The following RAB43 variants were observed in gnomAD, a reference collection of about 807,000 sequenced individuals.
RAB43 encodes RAB43, member RAS oncogene family, also known as ras-related protein Rab-43.
RAB43 carries 6 observed loss-of-function variants against 18.8 expected under a neutral mutation model. That is an observed-to-expected ratio of 0.32 (90% CI 0.17 to 0.63). The LOEUF (loss-of-function observed/expected upper bound fraction) is 0.63, where lower values mean the gene tolerates loss of function less well. Among genes scored for constraint, RAB43 ranks in the 30% least tolerant of loss-of-function variants. RAB43 has a pLI of 0.79. For synonymous variants in RAB43, 103 were observed against 124.1 expected, an observed-to-expected ratio of 0.83 and a Z score of 1.13; for missense variants, 195 against 289.1, an observed-to-expected ratio of 0.67 and a Z score of 2.36.
At chr3:129,116,590 C>T (rs894196128) in intron 1 of RAB43, among the ~76,000 whole-genome samples, 1 of 152,132 alleles carries the variant, frequency 6.6e-6, no homozygotes, top group Non-Finnish European at 1.5e-5. Flanking sequence ...TTTGAAGTGC[C>T]AGGAGCAGCT....
At chr3:129,093,516 A>G (rs527762958) in intron 2 of RAB43, among the ~76,000 whole-genome samples, 4 of 152,206 alleles carry the variant, frequency 2.6e-5, no homozygotes, top group Non-Finnish European at 5.9e-5. Context: ...AGGCTGAGGC[A>G]GGAGAATTGC....
chr3:129,091,329 T>G lies in RAB43; in HGVS notation c.406A>C (p.Ser136Arg). The G allele has an allele frequency of 6.2e-7, 1 of 1,606,374 alleles. No homozygotes were observed. Among genetic ancestry groups the G allele is most frequent in the Non-Finnish European group, 8.5e-7 (1 of 1,176,412 alleles). Residue 136 changes from serine to arginine, a missense_variant, in exon 3 of 3, where the codon AGC (serine) becomes CGC (arginine). Transcript: ENST00000315150. ...GCCAAGGAGACCTCCCGAAGCTCGCTGAGGTCTGACTTGTTCCCTGCGGAG... is the reference window on the plus strand; with the variant it reads ...GCCAAGGAGACCTCCCGAAGCTCGCGGAGGTCTGACTTGTTCCCTGCGGAG... ...QLLIGNKSDL[S>R]ELREVSLAEA...
chr3:129,094,760 G>A (rs1057299056), intron 2 of RAB43, among the ~76,000 whole-genome samples: 7 of 151,166 alleles, frequency 4.6e-5, no homozygotes, highest in Non-Finnish European at 7.4e-5. Context: ...CTTGTGATCC[G>A]CCCGCCTCAG....
chr3:129,092,903 C>G (rs369377469), intron 2 of RAB43, among the ~76,000 whole-genome samples: 2 of 151,834 alleles, frequency 1.3e-5, no homozygotes, highest in East Asian at 3.9e-4. Flanking sequence ...TTGCCATGAG[C>G]CGAGATCGCG....
At chr3:129,102,630 C>CAAAA (rs745477635) in intron 1 of RAB43, among the ~76,000 whole-genome samples, 5 of 68,170 alleles carry the variant, frequency 7.3e-5, no homozygotes, top group South Asian at 8.0e-4. Context: ...GACTCCATCT[C>CAAAA]AAAAAAAAAA....
chr3:129,121,081 C>T (rs987299941), intron 1 of RAB43, among the ~76,000 whole-genome samples: 3 of 100,130 alleles, frequency 3.0e-5, no homozygotes, highest in Non-Finnish European at 6.5e-5. Context: ...CCCCCCCCCC[C>T]CAGCAACCCA....
rs376054708 is a variant in RAB43 at position 129,115,876 on chromosome 3, T to C, written c.204+5410A>G. Among the ~76,000 whole-genome samples the C allele has an allele frequency of 2.3e-4, 35 of 152,282 alleles. 3 individuals are homozygous for C. Among genetic ancestry groups the C allele is most frequent in the Admixed American group, 7.8e-4 (12 of 15,302 alleles). On this transcript the variant is annotated intron_variant, in intron 1 of 2. Transcript: ENST00000315150. ...ATTCTAGAAATAATGCATAAGTCGATTGCACATCATTCTGAGTAGCATGAT... is the reference window on the plus strand; with the variant it reads ...ATTCTAGAAATAATGCATAAGTCGACTGCACATCATTCTGAGTAGCATGAT...
At chr3:129,099,965 C>A (rs907800221) in intron 1 of RAB43, among the ~76,000 whole-genome samples, 2 of 152,086 alleles carry the variant, frequency 1.3e-5, no homozygotes, top group African/African-American at 4.8e-5. Context: ...ACTCAAAGAA[C>A]TAATGACTGA....
At chr3:129,093,125 G>T (rs1340076737) in intron 2 of RAB43, among the ~76,000 whole-genome samples, 1 of 151,796 alleles carries the variant, frequency 6.6e-6, no homozygotes, top group Admixed American at 6.6e-5. Context: ...GCAGTAGCTG[G>T]GATTACAGGT....
chr3:129,096,065 C>T (rs1254355527), intron 1 of RAB43, among the ~76,000 whole-genome samples: 1 of 152,264 alleles, frequency 6.6e-6, no homozygotes, highest in Non-Finnish European at 1.5e-5. Flanking sequence ...TCATGGCTCT[C>T]TGAAGACTGA....
chr3:129,117,936 C>T (rs1413108691), intron 1 of RAB43, among the ~76,000 whole-genome samples: 1 of 152,212 alleles, frequency 6.6e-6, no homozygotes, highest in African/African-American at 2.4e-5. Flanking sequence ...CTTCAAGGAG[C>T]TTACCTTCTA....
chr3:129,114,980 C>G (rs1313840105), intron 1 of RAB43, among the ~76,000 whole-genome samples: 1 of 152,086 alleles, frequency 6.6e-6, no homozygotes, highest in Admixed American at 6.5e-5. Context: ...ACCCCCACCC[C>G]CCGCAATCCA....
chr3:129,089,356 G>A lies in RAB43; in HGVS notation c.*1740C>T, dbSNP rs1386343479. The A allele has an allele frequency of 1.1e-4, 14 of 128,672 alleles. No homozygotes were observed. The highest frequency in any genetic ancestry group is 3.6e-4 in the African/African-American group (12 of 33,558). The allele number at this position is 128,672 out of a possible 1,614,324, so 8.0% of individuals were successfully genotyped here. On this transcript the variant is annotated 3_prime_UTR_variant, in exon 3 of 3. Transcript: ENST00000315150. ...GCCCAGGCACTGCAGTGGAGGCGCA[G>A]GGGCAGAGCCCAGACCCCACTCAGC...
chr3:129,112,294 C>T (rs567985595), intron 1 of RAB43, among the ~76,000 whole-genome samples: 4 of 151,650 alleles, frequency 2.6e-5, no homozygotes, highest in Admixed American at 1.3e-4. Context: ...AATAAAAAAC[C>T]CCCAAAATCA....
chr3:129,106,084 G>A (rs1202786111), intron 1 of RAB43, among the ~76,000 whole-genome samples: 1 of 152,212 alleles, frequency 6.6e-6, no homozygotes, highest in African/African-American at 2.4e-5. Flanking sequence ...CCCACTGAGT[G>A]AGTTCAGATG....
At chr3:129,112,354 C>T (rs1446133795) in intron 1 of RAB43, among the ~76,000 whole-genome samples, 2 of 151,660 alleles carry the variant, frequency 1.3e-5, no homozygotes, top group East Asian at 3.9e-4. Context: ...TTAAAAATAT[C>T]CAATTTTTAT....
intron 1 of RAB43, among the ~76,000 whole-genome samples, chr3:129,096,084 T>C (rs920621980): frequency 1.3e-5 from 2 of 152,252 alleles, no homozygotes; most frequent in East Asian, 3.8e-4. Context: ...GACACCCAGC[T>C]TGTGGCGTGT....
chr3:129,106,427 C>T (rs1057400930), intron 1 of RAB43, among the ~76,000 whole-genome samples: 7 of 152,188 alleles, frequency 4.6e-5, no homozygotes, highest in Non-Finnish European at 7.3e-5. Flanking sequence ...TCCTGACTGC[C>T]GCTGTCCCTC....
rs1423929607 is a variant in RAB43 at position 129,107,212 on chromosome 3, C to A, written c.205-12043G>T. Among the ~76,000 whole-genome samples, 2 of 152,222 alleles carry A rather than the reference C, an allele frequency of 1.3e-5. No homozygotes were observed. The highest frequency in any genetic ancestry group is 4.8e-5 in the African/African-American group (2 of 41,456). On this transcript the variant is annotated intron_variant, in intron 1 of 2. Transcript: ENST00000315150. This position sits in a 1 kb window ranked among gnomAD's most constrained non-coding sequence, Gnocchi z 4.2. ...AGCAGAGGTCTGTCTGACTCCGAAG[C>A]CTGGTGTCCTTTACCATGGACGCGG...
Sources: allele counts gnomAD v4.1 joint callset (sites outside exome capture counted in the v4.1 genomes callset), GRCh38; gene constraint gnomAD v4.1.1; non-coding constraint Gnocchi (gnomAD v3.1); transcripts MANE v1.5; gene names NCBI Gene and HGNC (gene_info 2026-07-23, HGNC 2026-07-21).